Variants in CDH1 observed in about 807,000 individuals in gnomAD.
The protein encoded by CDH1 is cadherin 1, also known as cadherin-1.
CDH1 carries 35 observed loss-of-function variants against 84.5 expected under a neutral mutation model. The observed-to-expected ratio is 0.41, with a 90% CI of 0.32 to 0.55. The LOEUF (loss-of-function observed/expected upper bound fraction) is 0.55, where lower values mean the gene tolerates loss of function less well. CDH1 is among the 20% of genes least tolerant of loss of function. The pLI is 0.19. For missense variants in CDH1, 994 were observed against 1,126.6 expected (o/e 0.88, Z 1.68); for synonymous variants, 417 against 439.0 (o/e 0.95, Z 0.63).
intron 10 of CDH1, among the ~76,000 whole-genome samples, chr16:68,817,361 C>A (rs911517714): frequency 6.6e-6 from 1 of 152,180 alleles, no homozygotes; most frequent in Non-Finnish European, 1.5e-5. Flanking sequence ...AGCTGGTCTG[C>A]AGGAGTCTGC....
intron 2 of CDH1, among the ~76,000 whole-genome samples, chr16:68,779,011 G>A (rs1959804956): frequency 1.3e-5 from 2 of 152,168 alleles, no homozygotes; most frequent in African/African-American, 4.8e-5. Flanking sequence ...ACAGCCAGGT[G>A]GCCTTTCAGG....
chr16:68,747,543 G>A (rs1266501302), intron 2 of CDH1, among the ~76,000 whole-genome samples: 4 of 152,030 alleles, frequency 2.6e-5, no homozygotes, highest in African/African-American at 4.8e-5. Flanking sequence ...CCCAAACCAC[G>A]CTTCACCCAG....
At chr16:68,783,707 C>T (rs1391938590) in intron 2 of CDH1, among the ~76,000 whole-genome samples, 5 of 152,044 alleles carry the variant, frequency 3.3e-5, no homozygotes, top group South Asian at 2.1e-4. Context: ...GATAGAGTCT[C>T]GCTCTGTCAC....
intron 2 of CDH1, chr16:68,771,032 C>T (rs1001897545): frequency 1.3e-5 from 2 of 151,884 alleles, no homozygotes; most frequent in Admixed American, 6.6e-5. Flanking sequence ...GAGGCTCTCC[C>T]GTCTTTTGGA....
intron 8 of CDH1, among the ~76,000 whole-genome samples, chr16:68,812,536 T>C (rs1490162441): frequency 6.6e-6 from 1 of 152,266 alleles, no homozygotes; most frequent in Admixed American, 6.5e-5. Flanking sequence ...TAGCAAATAT[T>C]ACCTGGTTTC....
rs1555516597 is a variant in CDH1, at chr16:68,819,431, G to T, written c.1711+6G>T. On this transcript the variant is annotated splice_donor_region_variant and intron_variant, in intron 11 of 15. Coordinates refer to ENST00000261769, the MANE Select transcript of CDH1 (RefSeq NM_004360.5). ...AATCATAGCTACAGACAATGGTAAGGGGGCCTCATCTGAGCCTTTGCTGCC... is the reference window on the plus strand; with the variant it reads ...AATCATAGCTACAGACAATGGTAAGTGGGCCTCATCTGAGCCTTTGCTGCC... 6.2e-7 allele frequency: 1 copy of T among 1,612,970 alleles called. No homozygotes were observed. Among genetic ancestry groups the T allele is most frequent in the Non-Finnish European group, 8.5e-7 (1 of 1,179,962 alleles).
At chr16:68,769,318 C>T (rs184142457) in intron 2 of CDH1, among the ~76,000 whole-genome samples, 4 of 152,208 alleles carry the variant, frequency 2.6e-5, no homozygotes, top group Non-Finnish European at 4.4e-5. Context: ...TATGTGTATA[C>T]TTTTTTTCAA....
At position 68,819,209 on chromosome 16, in the gene CDH1, C is replaced by T. The variant is rs1011213603; in HGVS notation, c.1566-71C>T. 24 of 1,548,862 alleles carry T rather than the reference C, an allele frequency of 1.5e-5. 1 individual carries two copies. Among genetic ancestry groups the T allele is most frequent in the African/African-American group, 9.5e-5 (7 of 73,556 alleles). ...GGAAGTAACCATATAACTGAAGAAG[C>T]GCTTAAGCCGTTTTCAGCTACATGT... On this transcript the variant is annotated intron_variant, in intron 10 of 15. Coordinates refer to ENST00000261769, the MANE Select transcript of CDH1 (RefSeq NM_004360.5).
At chr16:68,830,299 G>A (rs533976801) in intron 15 of CDH1, among the ~76,000 whole-genome samples, 5 of 152,114 alleles carry the variant, frequency 3.3e-5, no homozygotes, top group East Asian at 1.9e-4. Flanking sequence ...GGATCTAATC[G>A]TGCTTCAAAT....
At chr16:68,819,982 T>C (rs1016237795) in intron 11 of CDH1, among the ~76,000 whole-genome samples, 2 of 152,106 alleles carry the variant, frequency 1.3e-5, no homozygotes, top group Non-Finnish European at 2.9e-5. Flanking sequence ...GAGGATCACT[T>C]GAGCCCAGGA....
intron 2 of CDH1, among the ~76,000 whole-genome samples, chr16:68,747,652 C>T (rs1479835787): frequency 1.3e-5 from 2 of 152,096 alleles, no homozygotes; most frequent in African/African-American, 4.8e-5. Context: ...TTTCTTTATG[C>T]CAGCGTAAAT....
At chr16:68,803,610 G>A (rs572844093) in intron 3 of CDH1, among the ~76,000 whole-genome samples, 1 of 152,188 alleles carries the variant, frequency 6.6e-6, no homozygotes, top group East Asian at 1.9e-4. Context: ...TGGCCAGGCT[G>A]GTCTCGAACT....
chr16:68,822,854 G>A, intron 12 of CDH1: 1 of 231,140 alleles, frequency 4.3e-6, no homozygotes, highest in Non-Finnish European at 8.5e-6. Flanking sequence ...AGATGAATGG[G>A]GTAAAACCCT....
rs920956371 is a variant in CDH1 at position 68,834,081 on chromosome 16, C to A, written c.*582C>A. The A allele has an allele frequency of 1.8e-5, 7 of 380,360 alleles. No individual in the cohort carries two copies. The highest frequency in any genetic ancestry group is 3.4e-5 in the Admixed American group (1 of 29,140). 23.6% of individuals were successfully genotyped at this position (380,360 alleles called of 1,614,324 possible). On this transcript the variant is annotated 3_prime_UTR_variant, in exon 16 of 16. Coordinates refer to ENST00000261769, the MANE Select transcript of CDH1 (RefSeq NM_004360.5). ...AAGCTATCCTTGCACCTCAGCCTCC[C>A]AAGTAGCTGGGACCACAGGCATGCA...
chr16:68,773,192 T>C (rs1959631249), intron 2 of CDH1, among the ~76,000 whole-genome samples: 1 of 152,080 alleles, frequency 6.6e-6, no homozygotes, highest in African/African-American at 2.4e-5. Context: ...TGTGTTCCCG[T>C]GCTTCAGCTA....
At chr16:68,823,755 G>A in intron 13 of CDH1, 129 bp downstream of exon 13, 1 of 669,364 alleles carries the variant, frequency 1.5e-6, no homozygotes, top group Non-Finnish European at 2.6e-6. Flanking sequence ...AGACTCCCAA[G>A]TTATGCCAGC....
At chr16:68,782,690 C>T (rs931646600) in intron 2 of CDH1, among the ~76,000 whole-genome samples, 2 of 152,104 alleles carry the variant, frequency 1.3e-5, no homozygotes, top group South Asian at 2.1e-4. Flanking sequence ...TTCTTCTCTC[C>T]GCTGGCCCAC....
chr16:68,748,254 A>G (rs1162131610), intron 2 of CDH1, among the ~76,000 whole-genome samples: 1 of 151,708 alleles, frequency 6.6e-6, no homozygotes, highest in Non-Finnish European at 1.5e-5. Context: ...CTAGGATTAC[A>G]GGCATGCTAC....
rs1209305341 is a variant in CDH1, at chr16:68,810,098, G to T, written c.688-99G>T. 5.6e-6 allele frequency: 7 copies of T among 1,244,366 alleles called. No homozygotes were observed. In the Admixed American group the frequency reaches 8.4e-5, roughly 15 times the overall value. The allele number at this position is 1,244,366 out of a possible 1,614,324, so 77.1% of individuals were successfully genotyped here. On this transcript the variant is annotated intron_variant, in intron 5 of 15. Transcript: ENST00000261769. ...ACTGGGGGTCTCAGAGCCTAGGAAG[G>T]TGTGGCAGCCAGGGGGGCGCACTCT... is the stretch of plus-strand genomic sequence containing the variant.
Sources: gnomAD v4.1 joint callset for allele counts (sites outside exome capture counted in the v4.1 genomes callset) on GRCh38, gnomAD v4.1.1 for gene constraint, MANE v1.5 for transcripts, NCBI Gene and HGNC (gene_info 2026-07-23, HGNC 2026-07-21) for gene names.